DCAF13: variants seen among roughly 807,000 people sequenced by gnomAD.
DCAF13 encodes DDB1 and CUL4 associated factor 13.
In DCAF13, 38 loss-of-function variants were observed where a neutral mutation model predicts 59.0. That is an observed-to-expected ratio of 0.64 (90% CI 0.50 to 0.84). The LOEUF (loss-of-function observed/expected upper bound fraction) is 0.84, where lower values mean the gene tolerates loss of function less well. Ranked by LOEUF, DCAF13 falls within the 40% of genes least tolerant of loss-of-function variation. The probability of loss-of-function intolerance (pLI) is 0.00; values close to 1 mark genes in which losing one functional copy is unlikely to be tolerated. For synonymous variants in DCAF13, 173 were observed against 175.0 expected (o/e 0.99, Z 0.09); for missense variants, 469 against 558.4 (o/e 0.84, Z 1.61).
chr8:103,431,664 A>G (rs1487955618), intron 6 of DCAF13, among the ~76,000 whole-genome samples: 1 of 152,238 alleles, frequency 6.6e-6, no homozygotes, highest in East Asian at 1.9e-4. Context: ...ATTAATAACT[A>G]TCTCGCAGCA....
In DCAF13 at chr8:103,436,148, A is replaced by G. The variant is rs141290873; in HGVS notation, c.950+358A>G. ...GCAGTCTCTCATTGACCAAAATGTCATATGACTATTTTTGTTTCATTTTTC... is the reference window on the plus strand; with the variant it reads ...GCAGTCTCTCATTGACCAAAATGTCGTATGACTATTTTTGTTTCATTTTTC... On this transcript the variant is annotated intron_variant, in intron 8 of 10. Coordinates refer to ENST00000612750, the MANE Select transcript of DCAF13 (RefSeq NM_015420.7). Among the ~76,000 whole-genome samples the G allele has an allele frequency of 5.3e-5, 8 of 152,312 alleles. No individual in the cohort carries two copies. In the East Asian group the frequency reaches 1.5e-3, roughly 29 times the overall value.
chr8:103,432,521 A>G lies in DCAF13; in HGVS notation c.703-138A>G, dbSNP rs114300131. 1,104 of 440,302 alleles carry G rather than the reference A, an allele frequency of 2.5e-3. 13 individuals carry two copies. The highest frequency in any genetic ancestry group is 0.015 in the African/African-American group (773 of 51,250). The allele number at this position is 440,302 out of a possible 1,614,324, so 27.3% of individuals were successfully genotyped here. A position where few individuals can be genotyped will look rare whatever the true frequency, so the allele number is the denominator to read the frequency against. ...ATTCTGCCTGTGTATTTAAGAAGCA[A>G]TTACTGATTGATTTCTCTTCCCATT... On this transcript the variant is annotated intron_variant, in intron 6 of 10. Coordinates refer to ENST00000612750, the MANE Select transcript of DCAF13 (RefSeq NM_015420.7).
rs1248368731 is a variant in DCAF13, at chr8:103,425,911, G to A, written c.379-145G>A. The A allele has an allele frequency of 1.1e-5, 7 of 608,860 alleles. No homozygotes were observed. The East Asian group carries it at 1.8e-4, about 16-fold the overall frequency. 37.7% of individuals were successfully genotyped at this position (608,860 alleles called of 1,614,324 possible). On this transcript the variant is annotated intron_variant, in intron 3 of 10. Transcript: ENST00000612750. ...ACAAATCTTTACTAAAACAAGGTGG[G>A]ATATAAATGGATCAATAAGTGTAAT...
intron 8 of DCAF13, among the ~76,000 whole-genome samples, chr8:103,438,396 C>G (rs1586134660): frequency 6.6e-6 from 1 of 151,802 alleles, no homozygotes; most frequent in South Asian, 2.1e-4. Flanking sequence ...GTGTAAAAGA[C>G]CAGTTTTGTG....
chr8:103,422,102 C>A (rs1193915860), intron 3 of DCAF13, among the ~76,000 whole-genome samples: 1 of 152,124 alleles, frequency 6.6e-6, no homozygotes, highest in African/African-American at 2.4e-5. Context: ...AGACTGAAAA[C>A]TAGAAATCAG....
At chr8:103,418,827 TATATATATATATATATA>T (rs1816665408) in intron 1 of DCAF13, among the ~76,000 whole-genome samples, 1 of 7,556 alleles carries the variant, frequency 1.3e-4, no homozygotes. Context: ...AGCATAATTA[TATATATATATATATATA>T]TATATATATA....
At chr8:103,421,176 C>T in intron 3 of DCAF13, 94 bp downstream of exon 3, 2 of 893,248 alleles carry the variant, frequency 2.2e-6, no homozygotes, top group Non-Finnish European at 3.7e-6. Context: ...TTATTTGTTC[C>T]TAGGCCCTTT....
At chr8:103,417,362 C>T (rs1200939924) in intron 1 of DCAF13, among the ~76,000 whole-genome samples, 1 of 152,030 alleles carries the variant, frequency 6.6e-6, no homozygotes, top group Admixed American at 6.6e-5. Context: ...AGATCTTTGG[C>T]TGGGCGTGGT....
chr8:103,418,734 G>GGATGAAGT (rs1359708370), intron 1 of DCAF13, among the ~76,000 whole-genome samples: 2 of 147,384 alleles, frequency 1.4e-5, no homozygotes, highest in Non-Finnish European at 3.0e-5. Context: ...AGAAACAGCA[G>GGATGAAGT]GATGAAGTCA....
At chr8:103,420,189 AAC>A in intron 1 of DCAF13, 73 bp from the exon 2 acceptor site, 1 of 1,330,206 alleles carries the variant, frequency 7.5e-7, no homozygotes, top group Non-Finnish European at 1.1e-6. Flanking sequence ...CTTATTGAAT[AAC>A]AGAGTGATTA....
At chr8:103,434,966 C>T (rs1816913532) in intron 7 of DCAF13, among the ~76,000 whole-genome samples, 1 of 152,076 alleles carries the variant, frequency 6.6e-6, no homozygotes, top group Non-Finnish European at 1.5e-5. Context: ...CCTAAAAATG[C>T]TCATGCCTTT....
chr8:103,437,327 C>A (rs1033086423), intron 8 of DCAF13, among the ~76,000 whole-genome samples: 1 of 152,090 alleles, frequency 6.6e-6, no homozygotes, highest in Non-Finnish European at 1.5e-5. Flanking sequence ...TAGTATTTTT[C>A]CAACATGGTA....
chr8:103,418,526 G>A (rs933445257), intron 1 of DCAF13, among the ~76,000 whole-genome samples: 5 of 151,664 alleles, frequency 3.3e-5, no homozygotes, highest in Non-Finnish European at 2.9e-5. Context: ...GAATGATACC[G>A]CATCTCAAAA....
chr8:103,438,075 T>C (rs377699657), intron 8 of DCAF13, among the ~76,000 whole-genome samples: 9 of 152,326 alleles, frequency 5.9e-5, no homozygotes, highest in East Asian at 5.8e-4. Flanking sequence ...GGATTCTCAG[T>C]TACTTAAGTG....
chr8:103,430,434 T>C (rs1245694216), intron 5 of DCAF13, 178 bp from the exon 6 acceptor site: 1 of 454,058 alleles, frequency 2.2e-6, no homozygotes, highest in Non-Finnish European at 4.0e-6. Flanking sequence ...ATGAGGATTT[T>C]ACAGTGAAAA....
chr8:103,418,526 G>T (rs933445257), intron 1 of DCAF13, among the ~76,000 whole-genome samples: 1 of 151,664 alleles, frequency 6.6e-6, no homozygotes, highest in African/African-American at 2.4e-5. Flanking sequence ...GAATGATACC[G>T]CATCTCAAAA....
intron 5 of DCAF13, chr8:103,427,459 A>C: frequency 1.7e-6 from 1 of 574,034 alleles, no homozygotes; most frequent in East Asian, 2.8e-5. Context: ...ACTAGAGTTA[A>C]GCATTGTTAG....
At chr8:103,442,375 T>C (rs962906603) in intron 10 of DCAF13, 1 of 153,104 alleles carries the variant, frequency 6.5e-6, no homozygotes, top group Non-Finnish European at 1.5e-5. Flanking sequence ...TCTATCATTT[T>C]GGATATAGAG....
chr8:103,423,647 A>G (rs747802770), intron 3 of DCAF13, among the ~76,000 whole-genome samples: 6 of 152,196 alleles, frequency 3.9e-5, no homozygotes, highest in East Asian at 1.9e-4. Context: ...TCTCTTGACA[A>G]TTGCTATGAA....
Sources: allele counts gnomAD v4.1 joint callset (sites outside exome capture counted in the v4.1 genomes callset), GRCh38; gene constraint gnomAD v4.1.1; transcripts MANE v1.5; gene names NCBI Gene and HGNC (gene_info 2026-07-23, HGNC 2026-07-21).